The following C1QTNF3 variants were observed in gnomAD, a reference collection of about 807,000 sequenced individuals.
The protein encoded by C1QTNF3 is C1q and TNF related 3.
A neutral mutation model predicts 32.6 loss-of-function variants in C1QTNF3; 26 were observed. That is an observed-to-expected ratio of 0.80 (90% CI 0.58 to 1.11). C1QTNF3 has a LOEUF of 1.11. Ranked by LOEUF, C1QTNF3 falls within the 50% of genes least tolerant of loss-of-function variation. The pLI is 0.00. For synonymous variants in C1QTNF3, 155 were observed against 146.0 expected, an observed-to-expected ratio of 1.06 and a Z score of -0.44; for missense variants, 362 against 398.2, an observed-to-expected ratio of 0.91 and a Z score of 0.77.
upstream of C1QTNF3, among the ~76,000 whole-genome samples, chr5:34,046,762 A>AC (rs1386728569): frequency 6.6e-6 from 1 of 151,754 alleles, no homozygotes; most frequent in Non-Finnish European, 1.5e-5. Flanking sequence ...AACAACAAAA[A>AC]CACTCCAGAC....
the C1QTNF3 span, among the ~76,000 whole-genome samples, chr5:34,123,439 T>G: frequency 6.6e-6 from 1 of 152,042 alleles, no homozygotes; most frequent in Non-Finnish European, 1.5e-5. Context: ...TGTATTTTAG[T>G]TCCTTGCATG....
At chr5:34,197,546 C>T in the C1QTNF3 span, among the ~76,000 whole-genome samples, 48,056 of 151,636 alleles carry the variant, frequency 0.32, 7,833 homozygotes, top group East Asian at 0.53. Context: ...TAAAAATTAC[C>T]CTAAAACTTA....
chr5:34,071,918 G>T, the C1QTNF3 span, among the ~76,000 whole-genome samples: 1 of 151,982 alleles, frequency 6.6e-6, no homozygotes, highest in African/African-American at 2.4e-5. Context: ...TCACAAGAAG[G>T]GATGCAAAGC....
the C1QTNF3 span, among the ~76,000 whole-genome samples, chr5:34,208,889 TTTTTG>T: frequency 6.6e-6 from 1 of 152,088 alleles, no homozygotes; most frequent in Non-Finnish European, 1.5e-5. Context: ...GATGTGAAAG[TTTTTG>T]TTTTATTTTC....
At chr5:34,072,731 A>C in the C1QTNF3 span, among the ~76,000 whole-genome samples, 1 of 152,314 alleles carries the variant, frequency 6.6e-6, no homozygotes, top group South Asian at 2.1e-4. Flanking sequence ...GGTTGTTGCA[A>C]ATTTTTTTCC....
the C1QTNF3 span, among the ~76,000 whole-genome samples, chr5:34,083,515 A>G: frequency 6.6e-6 from 1 of 151,688 alleles, no homozygotes; most frequent in South Asian, 2.1e-4. Context: ...TTTGTAAAAA[A>G]AAAAAAAAAT....
the C1QTNF3 span, among the ~76,000 whole-genome samples, chr5:34,130,834 G>T: frequency 5.9e-5 from 9 of 152,178 alleles, no homozygotes; most frequent in Admixed American, 5.9e-4. Flanking sequence ...CAGGGCACTG[G>T]CTCTCTCTAT....
chr5:34,177,936 A>G, the C1QTNF3 span, among the ~76,000 whole-genome samples: 4 of 151,976 alleles, frequency 2.6e-5, no homozygotes, highest in Admixed American at 1.3e-4. Context: ...CAGAGGTTCT[A>G]TCAATGCTGA....
In C1QTNF3 at chr5:34,028,858, G is replaced by T; in HGVS notation, c.596C>A (p.Thr199Asn). 1 of 1,611,876 alleles carries T rather than the reference G, an allele frequency of 6.2e-7. No homozygotes were observed. Among genetic ancestry groups the T allele is most frequent in the Non-Finnish European group, 8.5e-7 (1 of 1,178,812 alleles). Residue 199 changes from threonine to asparagine, a missense_variant, in exon 4 of 6, where the codon ACC (threonine) becomes AAC (asparagine). By Grantham distance (65) the Thr-to-Asn change is moderately conservative. Transcript: ENST00000382065. Reference sequence around the variant, plus strand: ...CCCACTGTTCTGATTGCTGAAGTGGGTTGCCAGAGAAGCCATGAATGCAAT... The same window carrying T: ...CCCACTGTTCTGATTGCTGAAGTGGTTTGCCAGAGAAGCCATGAATGCAAT... ...LQIAFMASLA[T>N]HFSNQNSGII...
the C1QTNF3 span, among the ~76,000 whole-genome samples, chr5:34,204,111 TCA>T: frequency 6.7e-6 from 1 of 149,218 alleles, no homozygotes; most frequent in African/African-American, 2.6e-5. Context: ...TTAAATGTTA[TCA>T]TCAAGACAGA....
chr5:34,237,699 A>G, the C1QTNF3 span, among the ~76,000 whole-genome samples: 2 of 152,192 alleles, frequency 1.3e-5, no homozygotes, highest in African/African-American at 4.8e-5. Context: ...GAAGCAATGA[A>G]GCTGAGCTGA....
At chr5:34,133,405 C>G in the C1QTNF3 span, among the ~76,000 whole-genome samples, 3 of 152,096 alleles carry the variant, frequency 2.0e-5, no homozygotes, top group Non-Finnish European at 4.4e-5. Context: ...TTACAAAGGT[C>G]AGATGCCAGT....
At chr5:34,144,945 T>C in the C1QTNF3 span, among the ~76,000 whole-genome samples, 4 of 152,050 alleles carry the variant, frequency 2.6e-5, no homozygotes, top group African/African-American at 2.4e-5. Context: ...CTGGCCAACA[T>C]GGTGTAACCC....
chr5:34,056,454 G>GTGTGTGTGTGTATA, the C1QTNF3 span, among the ~76,000 whole-genome samples: 1 of 48,964 alleles, frequency 2.0e-5, no homozygotes, highest in Non-Finnish European at 3.6e-5. Flanking sequence ...GTGTGTGTGT[G>GTGTGTGTGTGTATA]TATATATATA....
the C1QTNF3 span, among the ~76,000 whole-genome samples, chr5:34,117,916 A>C: frequency 6.6e-6 from 1 of 152,206 alleles, no homozygotes; most frequent in African/African-American, 2.4e-5. Flanking sequence ...CAAATATGTA[A>C]ATGTTATTTC....
chr5:34,019,437 T>TA lies in C1QTNF3; in HGVS notation c.*1145dup. The TA allele has an allele frequency of 6.6e-6, 1 of 152,334 alleles. No homozygotes were observed. The highest frequency in any genetic ancestry group is 2.1e-4 in the South Asian group (1 of 4,830). The allele number at this position is 152,334 out of a possible 1,614,324, so 9.4% of individuals were successfully genotyped here. A position where few individuals can be genotyped will look rare whatever the true frequency, so the allele number is the denominator to read the frequency against. On this transcript the variant is annotated 3_prime_UTR_variant, in exon 6 of 6. Coordinates refer to ENST00000382065, the MANE Select transcript of C1QTNF3 (RefSeq NM_181435.6). ...CATTACAAAGACTTAAGGTATGTGA[T>TA]AAAAAACCTCTTTCCTTACAGGTAT...
intron 4 of C1QTNF3, among the ~76,000 whole-genome samples, chr5:34,024,724 A>G (rs1754420138): frequency 6.6e-6 from 1 of 152,232 alleles, no homozygotes; most frequent in Non-Finnish European, 1.5e-5. Context: ...AAGCAATATA[A>G]TATGACCTAA....
At chr5:34,219,772 GTC>G in the C1QTNF3 span, 1 of 152,086 alleles carries the variant, frequency 6.6e-6, no homozygotes. Flanking sequence ...CCCATGCCTA[GTC>G]AGGCAAAACT....
the C1QTNF3 span, among the ~76,000 whole-genome samples, chr5:34,177,821 C>A: frequency 6.6e-6 from 1 of 151,734 alleles, no homozygotes; most frequent in Non-Finnish European, 1.5e-5. Flanking sequence ...GAGATGGGGT[C>A]CATGTTGTGC....
Sources: allele counts gnomAD v4.1 joint callset (sites outside exome capture counted in the v4.1 genomes callset), GRCh38; gene constraint gnomAD v4.1.1; transcripts MANE v1.5; gene names NCBI Gene and HGNC (gene_info 2026-07-23, HGNC 2026-07-21).